PLD5: variants seen among roughly 807,000 people sequenced by gnomAD.
The protein encoded by PLD5 is phospholipase D family member 5.
PLD5 carries 36 observed loss-of-function variants against 61.1 expected under a neutral mutation model. That is an observed-to-expected ratio of 0.59 (90% CI 0.45 to 0.78). The LOEUF is 0.78. PLD5 is among the 30% of genes least tolerant of loss of function. The pLI, the probability that PLD5 is intolerant of heterozygous loss-of-function variation, is 0.00. For missense variants in PLD5, 515 were observed against 644.4 expected (o/e 0.80, Z 2.17); for synonymous variants, 243 against 242.8 (o/e 1.00, Z -0.01).
At chr1:242,195,745 C>G (rs1668602167) in intron 5 of PLD5, among the ~76,000 whole-genome samples, 1 of 152,188 alleles carries the variant, frequency 6.6e-6, no homozygotes, top group African/African-American at 2.4e-5. Context: ...TCAGGAAAAT[C>G]TGCCTTCATC....
At position 242,156,944 on chromosome 1, in the gene PLD5, G is replaced by T. The variant is rs553349994; in HGVS notation, c.736-32279C>A. On this transcript the variant is annotated intron_variant, in intron 5 of 9. Coordinates refer to ENST00000536534, the MANE Select transcript of PLD5 (RefSeq NM_001372062.1). ...GTTCTCCTGGATGATAACCTGAAGAGTGTTTTCCAACTTGGTTCCATTCTC... is the reference window on the plus strand; with the variant it reads ...GTTCTCCTGGATGATAACCTGAAGATTGTTTTCCAACTTGGTTCCATTCTC... Among the ~76,000 whole-genome samples the T allele has an allele frequency of 5.3e-4, 80 of 152,292 alleles. 2 individuals are homozygous for T. In the South Asian group the frequency reaches 0.016, roughly 30 times the overall value.
chr1:242,517,095 T>C (rs1572279794), intron 1 of PLD5, among the ~76,000 whole-genome samples: 1 of 152,242 alleles, frequency 6.6e-6, no homozygotes, highest in African/African-American at 2.4e-5. Flanking sequence ...TAAGTATATC[T>C]GTAGTTTATT....
chr1:242,163,427 G>A (rs917244402), intron 5 of PLD5, among the ~76,000 whole-genome samples: 11 of 152,000 alleles, frequency 7.2e-5, no homozygotes, highest in Non-Finnish European at 1.5e-4. Context: ...ACAGGCGTGA[G>A]CCACTGCACC....
chr1:242,489,026 C>A (rs1005357234), intron 1 of PLD5, among the ~76,000 whole-genome samples: 1 of 151,982 alleles, frequency 6.6e-6, no homozygotes. Context: ...CTGTAAGAAA[C>A]CAAAGGAATG....
chr1:242,127,119 G>C (rs2840614), intron 5 of PLD5, among the ~76,000 whole-genome samples: 58,423 of 152,026 alleles, frequency 0.38, 11,977 homozygotes, highest in East Asian at 0.61. Context: ...CCTTACTCCT[G>C]CAAGAATGGC....
chr1:242,382,147 A>AAAAAAAAAAAAAAAAAAAAAG (rs1662328288), intron 1 of PLD5, among the ~76,000 whole-genome samples: 1 of 151,878 alleles, frequency 6.6e-6, no homozygotes, highest in Non-Finnish European at 1.5e-5. Flanking sequence ...AAACAAAACA[A>AAAAAAAAAAAAAAAAAAAAAG]AAAACTGAAC....
intron 5 of PLD5, among the ~76,000 whole-genome samples, chr1:242,202,844 C>T (rs1669067311): frequency 1.3e-5 from 2 of 152,100 alleles, no homozygotes; most frequent in Non-Finnish European, 2.9e-5. Context: ...CCTATCCTGG[C>T]TCTTAATACA....
intron 1 of PLD5, among the ~76,000 whole-genome samples, chr1:242,368,840 C>T (rs1366821682): frequency 6.6e-6 from 1 of 152,110 alleles, no homozygotes; most frequent in East Asian, 1.9e-4. Flanking sequence ...TTCAGGATGC[C>T]CTTTGTTAGA....
At chr1:242,389,567 G>T in intron 1 of PLD5, among the ~76,000 whole-genome samples, 1 of 151,808 alleles carries the variant, frequency 6.6e-6, no homozygotes, top group East Asian at 1.9e-4. Flanking sequence ...TACTCTGAGG[G>T]GGGGAAAATC....
chr1:242,355,788 T>C (rs1660720755), intron 1 of PLD5, among the ~76,000 whole-genome samples: 1 of 152,182 alleles, frequency 6.6e-6, no homozygotes, highest in Non-Finnish European at 1.5e-5. Context: ...TTTGGTATGT[T>C]GTGTTTCCAT....
At chr1:242,113,079 T>C (rs111328307) in intron 7 of PLD5, among the ~76,000 whole-genome samples, 118 of 114,568 alleles carry the variant, frequency 1.0e-3, no homozygotes, top group African/African-American at 3.8e-3. Flanking sequence ...TCTTTCTCTC[T>C]CTCTCTTTTT....
At chr1:242,141,127 G>A (rs1292191561) in intron 5 of PLD5, among the ~76,000 whole-genome samples, 1 of 152,108 alleles carries the variant, frequency 6.6e-6, no homozygotes, top group Non-Finnish European at 1.5e-5. Flanking sequence ...TGAACAGCTG[G>A]CTCCTTCCTT....
chr1:242,153,706 G>A (rs1008002204), intron 5 of PLD5, among the ~76,000 whole-genome samples: 3 of 152,062 alleles, frequency 2.0e-5, no homozygotes, highest in Non-Finnish European at 4.4e-5. Context: ...TGTTCCATTG[G>A]TCTATATCTC....
chr1:242,134,369 G>T (rs1016647795), intron 5 of PLD5, among the ~76,000 whole-genome samples: 1 of 150,118 alleles, frequency 6.7e-6, no homozygotes, highest in African/African-American at 2.5e-5. Flanking sequence ...GGGAAGACTG[G>T]GTGATGTAGC....
chr1:242,367,130 A>T (rs909344293), intron 1 of PLD5, among the ~76,000 whole-genome samples: 2 of 152,178 alleles, frequency 1.3e-5, no homozygotes, highest in Admixed American at 1.3e-4. Context: ...CTTATAAAAA[A>T]ATTCTTATAA....
At chr1:242,220,737 T>A (rs1007520008) in intron 4 of PLD5, among the ~76,000 whole-genome samples, 126 of 150,142 alleles carry the variant, frequency 8.4e-4, no homozygotes, top group African/African-American at 2.7e-3. Context: ...TTATTTTATT[T>A]TATTTTATTT....
intron 1 of PLD5, among the ~76,000 whole-genome samples, chr1:242,474,637 C>T (rs963264353): frequency 2.6e-5 from 4 of 152,140 alleles, no homozygotes; most frequent in Non-Finnish European, 5.9e-5. Flanking sequence ...TGCTTAAAAC[C>T]CTCTAGTAAA....
intron 4 of PLD5, among the ~76,000 whole-genome samples, chr1:242,242,020 C>G (rs1464175786): frequency 6.9e-6 from 1 of 145,202 alleles, no homozygotes; most frequent in African/African-American, 2.6e-5. Flanking sequence ...TAGACACACA[C>G]ACACACACAC....
intron 4 of PLD5, among the ~76,000 whole-genome samples, chr1:242,232,192 T>C (rs572512960): frequency 1.3e-5 from 2 of 152,200 alleles, no homozygotes; most frequent in East Asian, 3.9e-4. Flanking sequence ...TTTCAGAATA[T>C]TGGAAATGAA....
Sources: gnomAD v4.1 joint callset for allele counts (sites outside exome capture counted in the v4.1 genomes callset) on GRCh38, gnomAD v4.1.1 for gene constraint, MANE v1.5 for transcripts, NCBI Gene and HGNC (gene_info 2026-07-23, HGNC 2026-07-21) for gene names.